MARCO: variants seen among roughly 807,000 people sequenced by gnomAD.
MARCO encodes the protein macrophage receptor MARCO.
In MARCO, 72 loss-of-function variants were observed where a neutral mutation model predicts 70.0. The observed-to-expected ratio is 1.03, with a 90% CI of 0.85 to 1.25. The LOEUF (loss-of-function observed/expected upper bound fraction) is 1.25, where lower values mean the gene tolerates loss of function less well. MARCO is among the 50% of genes most tolerant of loss of function. The probability of loss-of-function intolerance (pLI) is 0.00; values close to 1 mark genes in which losing one functional copy is unlikely to be tolerated. For synonymous variants in MARCO, 273 were observed against 243.1 expected (o/e 1.12, Z -1.14); for missense variants, 696 against 659.3 (o/e 1.06, Z -0.61).
Position 118,982,033 on chromosome 2 carries a change from C to T in MARCO, c.902-123C>T, listed in dbSNP as rs188475662. ...CTTCTAAAGAGAGGTGTTAAAGCTGCCAAGAGGACTGTAAGGTGTTAAGAG... is the reference window on the plus strand; with the variant it reads ...CTTCTAAAGAGAGGTGTTAAAGCTGTCAAGAGGACTGTAAGGTGTTAAGAG... On this transcript the variant is annotated intron_variant, in intron 10 of 16. Transcript: ENST00000327097. 3 of 650,480 alleles carry T rather than the reference C, an allele frequency of 4.6e-6. No homozygotes were observed. In the East Asian group the frequency reaches 8.2e-5, roughly 18 times the overall value. 40.3% of individuals were successfully genotyped at this position (650,480 alleles called of 1,614,324 possible).
chr2:118,994,300 T>G, intron 16 of MARCO, 87 bp from the exon 17 acceptor site: 2 of 1,480,342 alleles, frequency 1.4e-6, no homozygotes, highest in Admixed American at 1.7e-5. Flanking sequence ...CCACCTCAGA[T>G]GGAAGCTCCC....
chr2:118,992,039 C>T (rs1244468420), intron 14 of MARCO, among the ~76,000 whole-genome samples, 164 bp downstream of exon 14: 1 of 152,166 alleles, frequency 6.6e-6, no homozygotes, highest in East Asian at 1.9e-4. Context: ...CTGGGGCTTG[C>T]CCTAGGCATG....
intron 1 of MARCO, among the ~76,000 whole-genome samples, chr2:118,944,094 G>A (rs1679552177): frequency 6.6e-6 from 1 of 152,170 alleles, no homozygotes; most frequent in African/African-American, 2.4e-5. Context: ...GGAGTTAATA[G>A]TGAACCCTAG....
chr2:118,942,229 T>C lies in MARCO; in HGVS notation c.-72T>C. ...GCAGTGGTTCGATGGGAAGGATCTTTCTCCAAGTGGTTCCTCTTGAGGGGA... is the reference window on the plus strand; with the variant it reads ...GCAGTGGTTCGATGGGAAGGATCTTCCTCCAAGTGGTTCCTCTTGAGGGGA... On this transcript the variant is annotated 5_prime_UTR_variant, in exon 1 of 17. Transcript: ENST00000327097. The C allele has an allele frequency of 1.0e-6, 1 of 952,500 alleles. No homozygotes were observed. The highest frequency in any genetic ancestry group is 1.7e-6 in the Non-Finnish European group (1 of 592,978). The allele number at this position is 952,500 out of a possible 1,614,324, so 59.0% of individuals were successfully genotyped here.
At chr2:118,990,185 G>T (rs754726824) in intron 12 of MARCO, among the ~76,000 whole-genome samples, 1 of 152,176 alleles carries the variant, frequency 6.6e-6, no homozygotes, top group African/African-American at 2.4e-5. Flanking sequence ...GCTCCTGGTG[G>T]CCACTGAGCC....
In MARCO at chr2:118,974,508, C is replaced by G. The variant is rs532017318; in HGVS notation, c.569-13C>G. 2.8e-5 allele frequency: 45 copies of G among 1,613,978 alleles called. No homozygotes were observed. Among genetic ancestry groups the G allele is most frequent in the Admixed American group, 1.2e-4 (7 of 60,008 alleles). On this transcript the variant is annotated splice_polypyrimidine_tract_variant and intron_variant, in intron 5 of 16. Transcript: ENST00000327097. ...CTTCTCTGGCTTCACTCTGAATTCC[C>G]TTTCCCTTCCAGGCCCCTCGGGACC...
At chr2:118,954,738 G>A (rs1407630312) in intron 1 of MARCO, among the ~76,000 whole-genome samples, 2 of 152,200 alleles carry the variant, frequency 1.3e-5, no homozygotes, top group Non-Finnish European at 2.9e-5. Flanking sequence ...GTTCACATGA[G>A]AGGACTTTGT....
rs35141497 is a variant in MARCO, at chr2:118,964,887, C to CAAA, written c.98-4259_98-4257dup. ...TGGGCGACAGAGTGAGATACCATCT[C>CAAA]AAAAAAAAAAAAAAAAGTATTCCTT... On this transcript the variant is annotated intron_variant, in intron 1 of 16. Coordinates refer to ENST00000327097, the MANE Select transcript of MARCO (RefSeq NM_006770.4). Among the ~76,000 whole-genome samples, 57 of 133,292 alleles carry CAAA rather than the reference C, an allele frequency of 4.3e-4. 1 individual carries two copies. The highest frequency in any genetic ancestry group is 5.0e-4 in the Non-Finnish European group (31 of 62,060). The allele number at this position is 133,292 out of a possible 152,430, so 87.4% of individuals were successfully genotyped here.
Position 118,992,461 on chromosome 2 carries a change from GA to G in MARCO, c.1242del (p.Gly415ValfsTer131). On this transcript the variant is annotated frameshift_variant, in exon 15 of 17. Transcript: ENST00000327097. LOFTEE classifies it high-confidence loss of function. The stretch of plus-strand genomic sequence containing the variant: ...TTCTGGGGAGCAAGGAGTAAAGGGA[GA>G]AAAAGGTGAAAGAGGTAATCACTAT... ...GSSGEQGVKG[E>X]KGERGENSVS... The G allele has an allele frequency of 1.2e-6, 2 of 1,613,032 alleles. No individual in the cohort carries two copies. Among genetic ancestry groups the G allele is most frequent in the Non-Finnish European group, 1.7e-6 (2 of 1,179,014 alleles).
chr2:118,952,854 A>G (rs769888021), intron 1 of MARCO: 3 of 152,184 alleles, frequency 2.0e-5, no homozygotes, highest in Non-Finnish European at 2.9e-5. Flanking sequence ...AGAAATATCA[A>G]AATTGTTAGA....
At chr2:118,956,647 G>A (rs1573379939) in intron 1 of MARCO, among the ~76,000 whole-genome samples, 2 of 152,194 alleles carry the variant, frequency 1.3e-5, no homozygotes, top group African/African-American at 4.8e-5. Context: ...AATGGACTTA[G>A]CAGATATATA....
At position 118,974,564 on chromosome 2, in the gene MARCO, G is replaced by C. The variant is rs374483780; in HGVS notation, c.612G>C (p.Ala204=). The change falls in exon 6 of 17, where the codon GCG becomes GCC. Residue 204 remains alanine (A), a splice_region_variant and synonymous_variant. Coordinates refer to ENST00000327097, the MANE Select transcript of MARCO (RefSeq NM_006770.4). ...GCCCACCGGGAGTCAAGGGAGAGGC[G>C]GGTGAGTAGGTGCTGGGTATGTACC... ...PQGPPGVKGE[A]GLQGPQGAPG... The C allele has an allele frequency of 6.2e-7, 1 of 1,612,814 alleles. No homozygotes were observed. The highest frequency in any genetic ancestry group is 8.5e-7 in the Non-Finnish European group (1 of 1,179,658).
intron 12 of MARCO, among the ~76,000 whole-genome samples, chr2:118,983,493 G>C (rs6722472): frequency 0.31 from 46,768 of 152,036 alleles, 9,708 homozygotes; most frequent in African/African-American, 0.58. Flanking sequence ...GTAATCTGTC[G>C]AGCCCCAGAG....
At chr2:118,992,277 A>G (rs151030097) in intron 14 of MARCO, among the ~76,000 whole-genome samples, 155 bp from the exon 15 acceptor site, 49 of 152,190 alleles carry the variant, frequency 3.2e-4, no homozygotes, top group African/African-American at 1.2e-3. Flanking sequence ...TGACACCCGC[A>G]GGACATCCCA....
At chr2:118,989,895 A>G (rs963831365) in intron 12 of MARCO, among the ~76,000 whole-genome samples, 2 of 152,252 alleles carry the variant, frequency 1.3e-5, no homozygotes, top group African/African-American at 4.8e-5. Flanking sequence ...ATCTTGCTAA[A>G]TGAACAAATT....
chr2:118,971,983 C>A (rs1014132776), intron 4 of MARCO, among the ~76,000 whole-genome samples: 1 of 152,200 alleles, frequency 6.6e-6, no homozygotes, highest in African/African-American at 2.4e-5. Flanking sequence ...GTCATGGAGG[C>A]GCAGGCTGTG....
At chr2:118,967,404 G>A (rs1680073143) in intron 1 of MARCO, among the ~76,000 whole-genome samples, 1 of 152,168 alleles carries the variant, frequency 6.6e-6, no homozygotes, top group African/African-American at 2.4e-5. Context: ...TGCAGCCATA[G>A]GAGAGCTGGC....
chr2:118,992,098 C>T (rs1215478379), intron 14 of MARCO, among the ~76,000 whole-genome samples: 1 of 152,168 alleles, frequency 6.6e-6, no homozygotes, highest in Non-Finnish European at 1.5e-5. Flanking sequence ...AAGGCAGGGG[C>T]GTGAACATGC....
chr2:118,943,834 C>T (rs1473356464), intron 1 of MARCO, among the ~76,000 whole-genome samples: 1 of 152,156 alleles, frequency 6.6e-6, no homozygotes. Context: ...TTGACTTCAT[C>T]CTGAGGTCAG....
Sources: allele counts gnomAD v4.1 joint callset (sites outside exome capture counted in the v4.1 genomes callset), GRCh38; gene constraint gnomAD v4.1.1; transcripts MANE v1.5; gene names NCBI Gene and HGNC (gene_info 2026-07-23, HGNC 2026-07-21).